ADAMTSL3: variants seen among roughly 807,000 people sequenced by gnomAD.
ADAMTSL3 encodes the protein ADAMTS like 3, also known as ADAMTS-like protein 3.
In ADAMTSL3, 128 loss-of-function variants were observed where a neutral mutation model predicts 201.7. The observed-to-expected ratio is 0.63, with a 90% CI of 0.55 to 0.73. The LOEUF is 0.73. Ranked by LOEUF, ADAMTSL3 falls within the 30% of genes least tolerant of loss-of-function variation. The pLI is 0.00. For synonymous variants in ADAMTSL3, 738 were observed against 748.4 expected, an observed-to-expected ratio of 0.99 and a Z score of 0.23; for missense variants, 1,990 against 2,119.6, an observed-to-expected ratio of 0.94 and a Z score of 1.20.
chr15:83,668,896 A>G (rs1335069770), intron 2 of ADAMTSL3, among the ~76,000 whole-genome samples: 1 of 152,064 alleles, frequency 6.6e-6, no homozygotes, highest in East Asian at 1.9e-4. Flanking sequence ...TTTCTTGGTA[A>G]TGATAGAGAT....
chr15:83,715,091 G>T (rs2061998623), intron 3 of ADAMTSL3, among the ~76,000 whole-genome samples: 1 of 152,056 alleles, frequency 6.6e-6, no homozygotes, highest in Admixed American at 6.6e-5. Context: ...GATTTCTCAT[G>T]CTAGTCTGGG....
At chr15:83,800,161 A>T (rs1162244693) in intron 4 of ADAMTSL3, among the ~76,000 whole-genome samples, 1 of 151,978 alleles carries the variant, frequency 6.6e-6, no homozygotes, top group Non-Finnish European at 1.5e-5. Flanking sequence ...GGAAACTGAG[A>T]AGTAATCTCC....
intron 19 of ADAMTSL3, among the ~76,000 whole-genome samples, chr15:83,957,738 A>C (rs994588348): frequency 6.6e-5 from 10 of 152,194 alleles, no homozygotes; most frequent in African/African-American, 2.4e-4. Flanking sequence ...TTAGACATAC[A>C]TGTAGTTTGA....
chr15:83,881,533 A>T (rs1233181670), intron 9 of ADAMTSL3, among the ~76,000 whole-genome samples: 3 of 152,186 alleles, frequency 2.0e-5, no homozygotes, highest in Admixed American at 2.0e-4. Flanking sequence ...CTGGCATGGT[A>T]GTTTTCTGAT....
At chr15:83,906,071 G>GT (rs143539417) in intron 15 of ADAMTSL3, among the ~76,000 whole-genome samples, 4,460 of 152,014 alleles carry the variant, frequency 0.029, 213 homozygotes, top group African/African-American at 0.1. Context: ...ACCCACTTTG[G>GT]TTTTAAAATG....
chr15:83,700,088 A>G (rs950431904), intron 2 of ADAMTSL3, among the ~76,000 whole-genome samples: 5 of 152,224 alleles, frequency 3.3e-5, no homozygotes, highest in Admixed American at 2.6e-4. Context: ...TGCCAGGCAT[A>G]TATTAGGTGC....
chr15:83,997,388 G>A (rs2067706809), intron 23 of ADAMTSL3, among the ~76,000 whole-genome samples: 1 of 152,112 alleles, frequency 6.6e-6, no homozygotes, highest in African/African-American at 2.4e-5. Context: ...AGAAGTTTGA[G>A]ACCAGCCTGG....
At chr15:83,661,029 T>A (rs62029479) in intron 2 of ADAMTSL3, among the ~76,000 whole-genome samples, 1 of 146,328 alleles carries the variant, frequency 6.8e-6, no homozygotes, top group African/African-American at 2.5e-5. Context: ...CACCATTTAT[T>A]AAATAGGGAA....
chr15:83,805,553 T>C (rs1304901035), intron 5 of ADAMTSL3, among the ~76,000 whole-genome samples: 1 of 146,746 alleles, frequency 6.8e-6, no homozygotes, highest in African/African-American at 2.5e-5. Flanking sequence ...TGAGACTCTG[T>C]CTCAAAAAAA....
At chr15:83,885,302 G>A (rs1343220976) in intron 10 of ADAMTSL3, 90 bp downstream of exon 10, 2 of 1,018,344 alleles carry the variant, frequency 2.0e-6, no homozygotes, top group Non-Finnish European at 3.0e-6. Flanking sequence ...TAAAATTGGT[G>A]TGGTGATTAG....
intron 16 of ADAMTSL3, among the ~76,000 whole-genome samples, chr15:83,920,226 TC>T (rs1271729796): frequency 6.6e-6 from 1 of 152,204 alleles, no homozygotes; most frequent in African/African-American, 2.4e-5. Flanking sequence ...AGAGATGTGT[TC>T]CCGACATGGT....
chr15:83,990,619 A>G (rs2067565496), intron 22 of ADAMTSL3, among the ~76,000 whole-genome samples: 2 of 152,022 alleles, frequency 1.3e-5, no homozygotes, highest in South Asian at 4.2e-4. Flanking sequence ...CCAGTATCTC[A>G]CATCCCTCCT....
At chr15:83,664,839 G>C (rs903495622) in intron 2 of ADAMTSL3, among the ~76,000 whole-genome samples, 1 of 152,186 alleles carries the variant, frequency 6.6e-6, no homozygotes, top group Non-Finnish European at 1.5e-5. Flanking sequence ...AAATTAGCTG[G>C]TTATGATAGC....
At position 83,892,741 on chromosome 15, in the gene ADAMTSL3, A is replaced by G; in HGVS notation, c.1320A>G (p.Arg440=). 2 of 1,614,058 alleles carry G rather than the reference A, an allele frequency of 1.2e-6. No individual in the cohort carries two copies. Among genetic ancestry groups the G allele is most frequent in the East Asian group, 2.2e-5 (1 of 44,868 alleles). The change falls in exon 13 of 30, where the codon AGA becomes AGG. Residue 440 remains arginine (R), a synonymous_variant. Coordinates refer to ENST00000286744, the MANE Select transcript of ADAMTSL3 (RefSeq NM_207517.3). ...CSVSCGGGIQ[R]RSFVCVEESM... ...TGTCCTGTGGAGGAGGGATTCAGAG[A>G]CGGAGCTTTGTGTGTGTAGAGGAAT...
intron 3 of ADAMTSL3, among the ~76,000 whole-genome samples, chr15:83,715,071 A>C (rs533540854): frequency 6.6e-6 from 1 of 152,010 alleles, no homozygotes; most frequent in Admixed American, 6.6e-5. Context: ...CAAACAGTGC[A>C]CTCAGTTTGG....
intron 8 of ADAMTSL3, among the ~76,000 whole-genome samples, chr15:83,869,719 A>G (rs186622602): frequency 3.9e-5 from 6 of 152,302 alleles, no homozygotes; most frequent in African/African-American, 1.4e-4. Context: ...TTGACACTCA[A>G]CGGAGTTTTG....
intron 3 of ADAMTSL3, among the ~76,000 whole-genome samples, chr15:83,728,703 G>A (rs1287775792): frequency 1.3e-5 from 2 of 151,774 alleles, no homozygotes. Context: ...TTATTATACT[G>A]TCTATGTCCT....
intron 3 of ADAMTSL3, among the ~76,000 whole-genome samples, chr15:83,763,084 TC>T (rs1014462001): frequency 8.5e-5 from 13 of 152,204 alleles, no homozygotes; most frequent in African/African-American, 3.1e-4. Context: ...AGACGGGGTT[TC>T]ACCGTGTTGG....
chr15:84,025,419 T>A lies in ADAMTSL3; in HGVS notation c.4639T>A (p.Trp1547Arg), dbSNP rs778929266. 4 of 1,613,956 alleles carry A rather than the reference T, an allele frequency of 2.5e-6. No individual in the cohort carries two copies. Among genetic ancestry groups the A allele is most frequent in the Non-Finnish European group, 3.4e-6 (4 of 1,179,970 alleles). The change falls in exon 27 of 30, where the codon TGG (tryptophan) becomes AGG (arginine). Residue 1547 changes from tryptophan to arginine, a missense_variant. Transcript: ENST00000286744. ...ATGTTTTGGTCATCCATGTGTTCAG[T>A]GGGAACCAGGGAACCGGGTAAAGCT... ...KPCFGHPCVQ[W>R]EPGNRCPGRC...
Sources: gnomAD v4.1 joint callset for allele counts (sites outside exome capture counted in the v4.1 genomes callset) on GRCh38, gnomAD v4.1.1 for gene constraint, MANE v1.5 for transcripts, NCBI Gene and HGNC (gene_info 2026-07-23, HGNC 2026-07-21) for gene names.